Variants in PCDHA10 observed in about 807,000 individuals in gnomAD.
PCDHA10 encodes the protein protocadherin alpha-10.
In PCDHA10, 45 loss-of-function variants were observed where a neutral mutation model predicts 61.2. The ratio of observed to expected loss-of-function variants is 0.74; its 90% confidence interval spans 0.58 to 0.94. PCDHA10 has a LOEUF of 0.94. PCDHA10 is among the 40% of genes least tolerant of loss of function. PCDHA10 has a pLI of 0.00. For synonymous variants in PCDHA10, 602 were observed against 548.8 expected (o/e 1.10, Z -1.35); for missense variants, 1,278 against 1,236.2 (o/e 1.03, Z -0.51).
rs202010088 is a variant in PCDHA10 at position 140,869,201 on chromosome 5, A to G, written c.2388+10765A>G. On this transcript the variant is annotated intron_variant, in intron 1 of 3. Transcript: ENST00000307360. ...GAGGTGGGGAGCGGCCAGCTCCACTACTCCGTCTCGGAGGAGGCCAAACAC... is the reference window on the plus strand; with the variant it reads ...GAGGTGGGGAGCGGCCAGCTCCACTGCTCCGTCTCGGAGGAGGCCAAACAC... 1.3e-3 allele frequency: 2,112 copies of G among 1,612,868 alleles called. 36 individuals carry two copies. The highest frequency in any genetic ancestry group is 1.6e-3 in the Admixed American group (96 of 59,934).
At chr5:140,991,985 A>G (rs114196704) in intron 3 of PCDHA10, among the ~76,000 whole-genome samples, 1,827 of 150,246 alleles carry the variant, frequency 0.012, 17 homozygotes, top group Non-Finnish European at 0.019. Context: ...TCTGCCTACC[A>G]CCCGGTCTTT....
chr5:140,870,209 C>T (rs1174096449), intron 1 of PCDHA10: 3 of 1,614,176 alleles, frequency 1.9e-6, no homozygotes, highest in East Asian at 4.5e-5. Context: ...ACGGTCATTG[C>T]CCTGATCAGC....
intron 1 of PCDHA10, among the ~76,000 whole-genome samples, chr5:140,897,837 C>A: frequency 6.6e-6 from 1 of 152,116 alleles, no homozygotes; most frequent in African/African-American, 2.4e-5. Context: ...TCTCCACATC[C>A]TCTCCAGCAC....
chr5:140,980,614 G>T (rs2153822225), intron 2 of PCDHA10, among the ~76,000 whole-genome samples: 1 of 152,088 alleles, frequency 6.6e-6, no homozygotes, highest in Admixed American at 6.5e-5. Context: ...TGGCGACAGT[G>T]CGAGACTCTG....
intron 1 of PCDHA10, among the ~76,000 whole-genome samples, chr5:140,893,950 T>A (rs1244558882): frequency 6.6e-6 from 1 of 152,206 alleles, no homozygotes; most frequent in Non-Finnish European, 1.5e-5. Flanking sequence ...TCTGCATGAC[T>A]TTATTAGTCA....
chr5:140,884,555 G>A (rs1554181729), intron 1 of PCDHA10: 1 of 1,614,098 alleles, frequency 6.2e-7, no homozygotes. Flanking sequence ...CTCTGGGGAG[G>A]GCCCGCATAA....
At position 140,856,416 on chromosome 5, in the gene PCDHA10, A is replaced by C; in HGVS notation, c.368A>C (p.Lys123Thr). 1 of 1,598,486 alleles carries C rather than the reference A, an allele frequency of 6.3e-7. No individual in the cohort carries two copies. The highest frequency in any genetic ancestry group is 1.1e-5 in the South Asian group (1 of 90,528). ...GTTTTCCATGTGGACGTGGAAGTGA[A>C]GGACATTAACGACAACCCGCCCAGG... ...LQVFHVDVEV[K>T]DINDNPPRFS... is the part of the protein sequence containing the mutation. Residue 123 changes from lysine (K) to threonine (T), a missense_variant, in exon 1 of 4, where the codon AAG becomes ACG. Coordinates refer to ENST00000307360, the MANE Select transcript of PCDHA10 (RefSeq NM_018901.4).
intron 1 of PCDHA10, among the ~76,000 whole-genome samples, chr5:140,942,139 A>G (rs1211983428): frequency 6.6e-6 from 1 of 152,248 alleles, no homozygotes; most frequent in African/African-American, 2.4e-5. Flanking sequence ...TTGTGGCTTT[A>G]CTTGACATAA....
Position 140,857,693 on chromosome 5 carries a change from A to T in PCDHA10, c.1645A>T (p.Thr549Ser). 6.3e-7 allele frequency: 1 copy of T among 1,597,022 alleles called. No homozygotes were observed. Among genetic ancestry groups the T allele is most frequent in the Non-Finnish European group, 8.6e-7 (1 of 1,167,704 alleles). Residue 549 changes from threonine to serine, a missense_variant, in exon 1 of 4, where the codon ACG (threonine) becomes TCG (serine). Coordinates refer to ENST00000307360, the MANE Select transcript of PCDHA10 (RefSeq NM_018901.4). ...CGTGCCGCCTCTGGGCAGCAACTTGACGCTGCAGGTGTTCGTGCTGGACGA... is the reference window on the plus strand; with the variant it reads ...CGTGCCGCCTCTGGGCAGCAACTTGTCGCTGCAGGTGTTCGTGCTGGACGA... ...GGVPPLGSNL[T>S]LQVFVLDEND...
At chr5:140,858,617 AC>A (rs2045522200) in intron 1 of PCDHA10, 181 bp downstream of exon 1, 1 of 1,181,008 alleles carries the variant, frequency 8.5e-7, no homozygotes. Context: ...TTTTTATCCT[AC>A]CCAGTGTGTC....
chr5:140,875,271 C>T, intron 1 of PCDHA10: 1 of 1,256,488 alleles, frequency 8.0e-7, no homozygotes, highest in Non-Finnish European at 1.1e-6. Flanking sequence ...GCTCTACACT[C>T]AGAAGGTGAA....
chr5:140,978,836 A>G (rs891146888), intron 1 of PCDHA10, 113 bp from the exon 2 acceptor site: 1 of 1,552,522 alleles, frequency 6.4e-7, no homozygotes, highest in Non-Finnish European at 8.7e-7. Context: ...GGCTCATTCA[A>G]TACTTTTTTA....
intron 3 of PCDHA10, among the ~76,000 whole-genome samples, chr5:140,991,152 C>T (rs533894396): frequency 4.1e-4 from 63 of 152,168 alleles, no homozygotes; most frequent in South Asian, 1.0e-3. Flanking sequence ...TTTTGCTCAC[C>T]ATTGTATTCC....
chr5:140,887,201 A>G (rs1331832646), intron 1 of PCDHA10, among the ~76,000 whole-genome samples: 1 of 150,710 alleles, frequency 6.6e-6, no homozygotes, highest in Non-Finnish European at 1.5e-5. Context: ...GGTTCACGCC[A>G]TTCTCCTGCC....
chr5:140,927,409 A>G lies in PCDHA10; in HGVS notation c.2389-51540A>G. The G allele has an allele frequency of 4.3e-6, 7 of 1,614,120 alleles. No individual in the cohort carries two copies. Among genetic ancestry groups the G allele is most frequent in the Non-Finnish European group, 5.9e-6 (7 of 1,179,964 alleles). On this transcript the variant is annotated intron_variant, in intron 1 of 3. Coordinates refer to ENST00000307360, the MANE Select transcript of PCDHA10 (RefSeq NM_018901.4). ...CCCCAGTCAGCACTTTCGCCTGGAC[A>G]TGGGATCGCGGGTTGACGGCAGCGA...
At chr5:140,915,069 C>T (rs2076962975) in intron 1 of PCDHA10, among the ~76,000 whole-genome samples, 2 of 151,484 alleles carry the variant, frequency 1.3e-5, no homozygotes, top group Admixed American at 6.6e-5. Flanking sequence ...CCTTAGCCTA[C>T]TGAGTAGCTG....
At chr5:140,951,373 C>T (rs1554219872) in intron 1 of PCDHA10, among the ~76,000 whole-genome samples, 1 of 151,996 alleles carries the variant, frequency 6.6e-6, no homozygotes, top group Non-Finnish European at 1.5e-5. Context: ...AAAGAAACAC[C>T]CAAGACTCGG....
chr5:140,861,234 C>T (rs868927537), intron 1 of PCDHA10: 7 of 166,456 alleles, frequency 4.2e-5, no homozygotes, highest in Middle Eastern at 2.9e-3. Context: ...ATTTTAGCTG[C>T]TAGACAAAGT....
At chr5:140,982,192 G>A (rs1390222750) in intron 2 of PCDHA10, among the ~76,000 whole-genome samples, 4 of 152,230 alleles carry the variant, frequency 2.6e-5, no homozygotes, top group Non-Finnish European at 4.4e-5. Context: ...TGGGCTTCCT[G>A]TTAGATTTAG....
Sources: allele counts gnomAD v4.1 joint callset (sites outside exome capture counted in the v4.1 genomes callset), GRCh38; gene constraint gnomAD v4.1.1; transcripts MANE v1.5; gene names NCBI Gene and HGNC (gene_info 2026-07-23, HGNC 2026-07-21).